SHOC2: variants seen among roughly 807,000 people sequenced by gnomAD.
SHOC2 encodes leucine-rich repeat protein SHOC-2.
SHOC2 carries 4 observed loss-of-function variants against 50.2 expected under a neutral mutation model. The observed-to-expected ratio is 0.08, with a 90% CI of 0.04 to 0.18. The LOEUF (loss-of-function observed/expected upper bound fraction) is 0.18. Ranked by LOEUF, SHOC2 falls within the 10% of genes least tolerant of loss-of-function variation. The pLI, the probability that SHOC2 is intolerant of heterozygous loss-of-function variation, is 1.00. For missense variants in SHOC2, 388 were observed against 669.6 expected (o/e 0.58, Z 4.64); for synonymous variants, 218 against 244.5 (o/e 0.89, Z 1.01).
chr10:110,990,587 A>G (rs1368811535), intron 3 of SHOC2, among the ~76,000 whole-genome samples: 4 of 152,088 alleles, frequency 2.6e-5, no homozygotes, highest in Non-Finnish European at 5.9e-5. Flanking sequence ...GCGCCCTGAC[A>G]AAACAGGCCA....
At chr10:110,949,850 A>T (rs1239865597) in intron 1 of SHOC2, among the ~76,000 whole-genome samples, 2 of 152,156 alleles carry the variant, frequency 1.3e-5, no homozygotes, top group African/African-American at 2.4e-5. Context: ...CTCTCAATAG[A>T]TACAGAAAAA....
Position 110,964,997 on chromosome 10 carries a change from C to T in SHOC2, c.639C>T (p.Asn213=). 6.2e-7 allele frequency: 1 copy of T among 1,613,778 alleles called. No individual in the cohort carries two copies. Among genetic ancestry groups the T allele is most frequent in the Non-Finnish European group, 8.5e-7 (1 of 1,179,860 alleles). ...RITTVEKDIK[N]LSKLSMLSIR... is the part of the protein sequence containing the mutation. ...CTACTGTGGAAAAGGACATCAAAAA[C>T]TTGTCAAAACTCAGCATGCTTAGCA... The change falls in exon 2 of 9, where the codon AAC becomes AAT. Residue 213 remains asparagine, a synonymous_variant. Transcript: ENST00000369452. The surrounding 1 kb of genome is among the most constrained non-coding windows in gnomAD (Gnocchi z 4.9).
intron 1 of SHOC2, among the ~76,000 whole-genome samples, chr10:110,941,247 A>G (rs1206309113): frequency 6.6e-6 from 1 of 151,906 alleles, no homozygotes; most frequent in Non-Finnish European, 1.5e-5. Flanking sequence ...TTATTTGAAC[A>G]TACTTGTTTT....
intron 3 of SHOC2, among the ~76,000 whole-genome samples, chr10:110,990,203 C>T (rs1051423194): frequency 1.3e-5 from 2 of 152,248 alleles, no homozygotes; most frequent in African/African-American, 4.8e-5. Context: ...GCGGGATCCA[C>T]TAGGTGAAGC....
chr10:110,928,787 TGGGA>T (rs1417931005), intron 1 of SHOC2, among the ~76,000 whole-genome samples: 1 of 152,034 alleles, frequency 6.6e-6, no homozygotes, highest in Non-Finnish European at 1.5e-5. Context: ...CCCAGCTACT[TGGGA>T]GACTGAGGTG....
intron 3 of SHOC2, among the ~76,000 whole-genome samples, chr10:110,998,327 C>G (rs1848306608): frequency 6.6e-6 from 1 of 151,884 alleles, no homozygotes; most frequent in Non-Finnish European, 1.5e-5. Context: ...AGTGAATATT[C>G]TCGTTCGTAT....
intron 3 of SHOC2, among the ~76,000 whole-genome samples, chr10:111,000,008 G>T (rs957237519): frequency 2.0e-5 from 3 of 151,970 alleles, no homozygotes; most frequent in African/African-American, 4.8e-5. Flanking sequence ...CCAAAATTAC[G>T]TGTACATACT....
At chr10:111,011,584 A>T in intron 8 of SHOC2, 26 bp from the exon 9 acceptor site, 1 of 1,583,504 alleles carries the variant, frequency 6.3e-7, no homozygotes, top group Non-Finnish European at 8.7e-7. Context: ...AATTTTTAAA[A>T]AAAAATTGAT....
intron 1 of SHOC2, among the ~76,000 whole-genome samples, chr10:110,924,030 A>G (rs763890227): frequency 6.6e-6 from 1 of 152,048 alleles, no homozygotes; most frequent in Non-Finnish European, 1.5e-5. Flanking sequence ...GGTTTTTTTC[A>G]GTTTCCAGTT....
chr10:111,002,346 C>T (rs1848394021), intron 4 of SHOC2, among the ~76,000 whole-genome samples: 1 of 152,186 alleles, frequency 6.6e-6, no homozygotes, highest in Non-Finnish European at 1.5e-5. Flanking sequence ...ATGAGATACT[C>T]AAGCTGGGTT....
At chr10:110,998,173 AT>A (rs1187128969) in intron 3 of SHOC2, among the ~76,000 whole-genome samples, 1 of 151,776 alleles carries the variant, frequency 6.6e-6, no homozygotes, top group Non-Finnish European at 1.5e-5. Flanking sequence ...ATAATTTTGT[AT>A]TTTTAGTAGA....
chr10:110,979,190 T>C (rs1847928337), intron 2 of SHOC2, among the ~76,000 whole-genome samples: 1 of 152,238 alleles, frequency 6.6e-6, no homozygotes, highest in Non-Finnish European at 1.5e-5. Context: ...TCCTAGCAGG[T>C]TGCTGGAGAG....
chr10:110,935,500 G>A (rs921414183), intron 1 of SHOC2, among the ~76,000 whole-genome samples: 1 of 152,196 alleles, frequency 6.6e-6, no homozygotes, highest in African/African-American at 2.4e-5. Flanking sequence ...GATGATGCTA[G>A]TGTGAATATC....
At chr10:110,976,672 T>A (rs1229641020) in intron 2 of SHOC2, among the ~76,000 whole-genome samples, 1 of 152,198 alleles carries the variant, frequency 6.6e-6, no homozygotes, top group African/African-American at 2.4e-5. Flanking sequence ...AGTTTCCTTT[T>A]TTCCCCCCTC....
chr10:110,965,380 G>GT (rs5787878), intron 2 of SHOC2, among the ~76,000 whole-genome samples: 10,973 of 152,132 alleles, frequency 0.072, 791 homozygotes, highest in East Asian at 0.3. Flanking sequence ...TTGTTGCTGT[G>GT]TTTAAAGTAT....
At chr10:110,937,493 T>C (rs1050293980) in intron 1 of SHOC2, among the ~76,000 whole-genome samples, 1 of 152,196 alleles carries the variant, frequency 6.6e-6, no homozygotes, top group Non-Finnish European at 1.5e-5. Context: ...CTCTCATATG[T>C]TATGGTTAGG....
At chr10:110,984,087 CA>C (rs1429758511) in intron 2 of SHOC2, among the ~76,000 whole-genome samples, 3 of 152,170 alleles carry the variant, frequency 2.0e-5, no homozygotes, top group Admixed American at 6.5e-5. Flanking sequence ...AACCACTGTA[CA>C]GTTTTTCACA....
intron 1 of SHOC2, chr10:110,951,602 T>C (rs1847354429): frequency 6.6e-6 from 1 of 152,194 alleles, no homozygotes; most frequent in Admixed American, 6.5e-5. Flanking sequence ...CCCATGTTCA[T>C]TGCAGCATTG....
intron 4 of SHOC2, among the ~76,000 whole-genome samples, chr10:111,003,401 T>G (rs776252544): frequency 1.3e-5 from 2 of 152,212 alleles, no homozygotes; most frequent in Non-Finnish European, 2.9e-5. Flanking sequence ...ACTGTCAGCT[T>G]TCATCCTATT....
Sources: allele counts gnomAD v4.1 joint callset (sites outside exome capture counted in the v4.1 genomes callset), GRCh38; gene constraint gnomAD v4.1.1; non-coding constraint Gnocchi (gnomAD v3.1); transcripts MANE v1.5; gene names NCBI Gene and HGNC (gene_info 2026-07-23, HGNC 2026-07-21).